Variants in MTA2 observed in about 807,000 individuals in gnomAD.
MTA2 encodes the protein metastasis associated 1 family member 2.
Under a neutral mutation model 87.1 loss-of-function variants are expected in MTA2, and 22 were observed. That is an observed-to-expected ratio of 0.25 (90% CI 0.18 to 0.36). The LOEUF (loss-of-function observed/expected upper bound fraction) is 0.36, where lower values mean the gene tolerates loss of function less well. MTA2 is among the 10% of genes least tolerant of loss of function. MTA2 has a pLI of 1.00. For synonymous variants in MTA2, 314 were observed against 310.1 expected (o/e 1.01, Z -0.13); for missense variants, 542 against 853.2 (o/e 0.64, Z 4.54).
At position 62,601,636 on chromosome 11, in the gene MTA2, C is replaced by G; in HGVS notation, c.-186G>C. On this transcript the variant is annotated 5_prime_UTR_variant, in exon 1 of 18. Coordinates refer to ENST00000278823, the MANE Select transcript of MTA2 (RefSeq NM_004739.4). The stretch of plus-strand genomic sequence containing the variant: ...TCATCCCGGCCCGCGCTGTCGCCGC[C>G]GCAGCTATCGCCTCACTCCCGGGAC... 2 of 609,342 alleles carry G rather than the reference C, an allele frequency of 3.3e-6. No individual in the cohort carries two copies. Among genetic ancestry groups the G allele is most frequent in the South Asian group, 4.4e-5 (2 of 45,552 alleles). 37.7% of individuals were successfully genotyped at this position (609,342 alleles called of 1,614,324 possible). A position where few individuals can be genotyped will look rare whatever the true frequency, so the allele number is the denominator to read the frequency against.
chr11:62,594,077 T>C (rs1328213287), intron 17 of MTA2, 37 bp from the exon 18 acceptor site: 1 of 1,564,432 alleles, frequency 6.4e-7, no homozygotes, highest in African/African-American at 1.4e-5. Flanking sequence ...AGAAAAGGCT[T>C]AGAGAACATT....
chr11:62,601,767 C>A lies in MTA2; in HGVS notation c.-317G>T. 1 of 511,282 alleles carries A rather than the reference C, an allele frequency of 2.0e-6. No individual in the cohort carries two copies. Among genetic ancestry groups the A allele is most frequent in the Non-Finnish European group, 3.4e-6 (1 of 293,732 alleles). 31.7% of individuals were successfully genotyped at this position (511,282 alleles called of 1,614,324 possible). The stretch of plus-strand genomic sequence containing the variant: ...CCCGCCCCCGCGGAGTCCCACTAGT[C>A]GTTGGGCTCTGCCGGCCGCAGGGAA... On this transcript the variant is annotated 5_prime_UTR_variant, in exon 1 of 18. Transcript: ENST00000278823.
At chr11:62,600,120 C>G in intron 3 of MTA2, 46 bp downstream of exon 3, 1 of 1,528,550 alleles carries the variant, frequency 6.5e-7, no homozygotes, top group South Asian at 1.1e-5. Flanking sequence ...CATGCCCAGG[C>G]CTCAGATCAT....
At position 62,595,503 on chromosome 11, in the gene MTA2, A is replaced by G. The variant is rs1423473951; in HGVS notation, c.1255-11T>C. ...CCTTGAGTGTGGCTCCTAGAAGAAG[A>G]GCATAGGAAAGAGAGAGAGCAGAAA... On this transcript the variant is annotated splice_polypyrimidine_tract_variant and intron_variant, in intron 13 of 17. Coordinates refer to ENST00000278823, the MANE Select transcript of MTA2 (RefSeq NM_004739.4). The surrounding 1 kb of genome is among the most constrained non-coding windows in gnomAD (Gnocchi z 4.9). The G allele has an allele frequency of 3.7e-6, 6 of 1,613,466 alleles. No individual in the cohort carries two copies. The highest frequency in any genetic ancestry group is 5.1e-6 in the Non-Finnish European group (6 of 1,179,502).
intron 6 of MTA2, 45 bp from the exon 7 acceptor site, chr11:62,597,757 A>G (rs1292692117): frequency 6.6e-7 from 1 of 1,516,608 alleles, no homozygotes; most frequent in Non-Finnish European, 9.1e-7. Context: ...GGCAGGGGGG[A>G]ACAGTTGGTG....
At chr11:62,600,546 C>T (rs1942169986) in intron 2 of MTA2, 76 bp downstream of exon 2, 1 of 1,360,522 alleles carries the variant, frequency 7.4e-7, no homozygotes, top group South Asian at 1.3e-5. Context: ...GTATAGGATC[C>T]TCTCTTCCAC....
At chr11:62,600,293 G>T in intron 2 of MTA2, 34 bp from the exon 3 acceptor site, 1 of 1,568,866 alleles carries the variant, frequency 6.4e-7, no homozygotes, top group East Asian at 2.2e-5. Flanking sequence ...ACAAAACAAC[G>T]TAGCAGTGGA....
chr11:62,593,842 A>G lies in MTA2; in HGVS notation c.*33T>C. ...TGGGTGCCCTGGGCATCCACCCTCT[A>G]CCTCTCAGCCCACCTCCCTTCCCCA... On this transcript the variant is annotated 3_prime_UTR_variant, in exon 18 of 18. Transcript: ENST00000278823. 1 of 1,612,942 alleles carries G rather than the reference A, an allele frequency of 6.2e-7. No homozygotes were observed. Among genetic ancestry groups the G allele is most frequent in the Non-Finnish European group, 8.5e-7 (1 of 1,179,500 alleles).
rs1942072876 is a variant in MTA2, at chr11:62,594,642, A to C, written c.1574-8T>G. The C allele has an allele frequency of 6.2e-7, 1 of 1,612,388 alleles. No individual in the cohort carries two copies. The highest frequency in any genetic ancestry group is 8.5e-7 in the Non-Finnish European group (1 of 1,178,962). On this transcript the variant is annotated splice_polypyrimidine_tract_variant and splice_region_variant and intron_variant, in intron 15 of 17. Transcript: ENST00000278823. ...TCAGGGGTGCCTGGGCCACTGGAAA[A>C]AAACAGAAAACTTTCGCACCTTTTC...
In MTA2 at chr11:62,594,523, T is replaced by C. The variant is rs780226737; in HGVS notation, c.1685A>G (p.Tyr562Cys). 10 of 1,614,090 alleles carry C rather than the reference T, an allele frequency of 6.2e-6. No homozygotes were observed. Among genetic ancestry groups the C allele is most frequent in the East Asian group, 4.5e-5 (2 of 44,878 alleles). The change falls in exon 16 of 18, where the codon TAT becomes TGT. Residue 562 changes from tyrosine (Y) to cysteine (C), a missense_variant. By Grantham distance (194) the Tyr-to-Cys change is radical (BLOSUM62 -2). Transcript: ENST00000278823. ...GLGGIMVKRA[Y>C]ETMAGAGVPF... is the part of the protein sequence containing the mutation. ...CCCTTTCTGTCAACTCACAGTCTCA[T>C]AGGCCCGTTTCACCATAATGCCCCC...
At chr11:62,597,226 T>A in intron 8 of MTA2, 90 bp downstream of exon 8, 3 of 830,952 alleles carry the variant, frequency 3.6e-6, no homozygotes, top group Non-Finnish European at 5.7e-6. Flanking sequence ...ACACTCCCAC[T>A]CCCTCAGAGA....
rs761475053 is a variant in MTA2 at position 62,600,670 on chromosome 11, G to A, written c.48C>T (p.Asn16=). The A allele has an allele frequency of 6.2e-7, 1 of 1,613,912 alleles. No individual in the cohort carries two copies. The highest frequency in any genetic ancestry group is 8.5e-7 in the Non-Finnish European group (1 of 1,179,900). Residue 16 remains asparagine (N), a synonymous_variant, in exon 2 of 18, where the codon AAC becomes AAT. Coordinates refer to ENST00000278823, the MANE Select transcript of MTA2 (RefSeq NM_004739.4). ...YRVGDYVYFE[N]SSSNPYLVRR... ...TAACCAGGTAAGGATTGCTGGAAGAGTTCTCAAAATAGACGTAATCTGTAA... is the reference window on the plus strand; with the variant it reads ...TAACCAGGTAAGGATTGCTGGAAGAATTCTCAAAATAGACGTAATCTGTAA...
chr11:62,595,833 A>C lies in MTA2; in HGVS notation c.1173T>G (p.Cys391Trp). 1 of 1,614,220 alleles carries C rather than the reference A, an allele frequency of 6.2e-7. No homozygotes were observed. The highest frequency in any genetic ancestry group is 8.5e-7 in the Non-Finnish European group (1 of 1,180,040). The change falls in exon 13 of 18, where the codon TGT (cysteine) becomes TGG (tryptophan). Residue 391 changes from cysteine (C) to tryptophan (W), a missense_variant. By Grantham distance (215) the Cys-to-Trp change is radical. Around this residue, in one of 6 missense-constraint regions of MTA2, gnomAD observed 46 missense variants for 109.1 expected, o/e 0.42. Coordinates refer to ENST00000278823, the MANE Select transcript of MTA2 (RefSeq NM_004739.4). The surrounding 1 kb of genome is among the most constrained non-coding windows in gnomAD (Gnocchi z 4.9). ...WGPPNMQCRL[C>W]ASCWIYWKKY... ...TCTTCCAGTAGATCCAACAGGAAGC[A>C]CAGAGGCGGCACTGCATGTTAGGTG...
chr11:62,601,576 G>GCAGCCGGCACCTCCGCTGCCT lies in MTA2; in HGVS notation c.-147_-127dup, dbSNP rs1942202366. 2.6e-6 allele frequency: 3 copies of GCAGCCGGCACCTCCGCTGCCT among 1,148,674 alleles called. No homozygotes were observed. The highest frequency in any genetic ancestry group is 2.4e-6 in the Non-Finnish European group (2 of 841,334). 71.2% of individuals were successfully genotyped at this position (1,148,674 alleles called of 1,614,324 possible). On this transcript the variant is annotated 5_prime_UTR_variant, in exon 1 of 18. Coordinates refer to ENST00000278823, the MANE Select transcript of MTA2 (RefSeq NM_004739.4). The stretch of plus-strand genomic sequence containing the variant: ...TCGAGGGAGTCTCACTGGGGCCCGC[G>GCAGCCGGCACCTCCGCTGCCT]CAGCCGGCACCTCCGCTGCCTCAGC...
At chr11:62,598,224 C>T (rs1462162225) in intron 5 of MTA2, 83 bp from the exon 6 acceptor site, 89 of 1,563,338 alleles carry the variant, frequency 5.7e-5, no homozygotes, top group Non-Finnish European at 7.1e-5. Flanking sequence ...TTTCCATGAC[C>T]GGCAGTCTGG....
rs575241333 is a variant in MTA2, at chr11:62,593,799, C to A, written c.*76G>T. 2.6e-6 allele frequency: 4 copies of A among 1,562,682 alleles called. No homozygotes were observed. The South Asian group carries it at 3.4e-5, about 13-fold the overall frequency. On this transcript the variant is annotated 3_prime_UTR_variant, in exon 18 of 18. Transcript: ENST00000278823. ...AATTCACTCCTCACTCCCTTCGACA[C>A]GAAAGGGAAGGGAGGTTTGGGTGCC...
At chr11:62,600,718 C>A (rs758993268) in intron 1 of MTA2, 29 bp from the exon 2 acceptor site, 1 of 1,601,834 alleles carries the variant, frequency 6.2e-7, no homozygotes, top group South Asian at 1.1e-5. Context: ...GGGAGAACCA[C>A]GAAGATCAGA....
At position 62,595,193 on chromosome 11, in the gene MTA2, C is replaced by T. The variant is rs1942080507; in HGVS notation, c.1483+71G>A. ...TACTATCCCTCCTGTTATTAGACAT[C>T]CAGAGAAACAACGGTCTCTGGGCAG... On this transcript the variant is annotated intron_variant, in intron 14 of 17. Transcript: ENST00000278823. This position sits in a 1 kb window ranked among gnomAD's most constrained non-coding sequence, Gnocchi z 4.9. The T allele has an allele frequency of 6.4e-7, 1 of 1,555,778 alleles. No homozygotes were observed. The highest frequency in any genetic ancestry group is 1.7e-5 in the Admixed American group (1 of 58,290).
chr11:62,596,589 C>T (rs1339490412), intron 9 of MTA2, 48 bp downstream of exon 9: 1 of 1,612,164 alleles, frequency 6.2e-7, no homozygotes, highest in South Asian at 1.1e-5. Context: ...GTCCTGGTTC[C>T]CTCACCTGTC....
Sources: allele counts gnomAD v4.1 joint callset, GRCh38; gene constraint gnomAD v4.1.1; regional missense constraint gnomAD v4.1.1; non-coding constraint Gnocchi (gnomAD v3.1); transcripts MANE v1.5; gene names NCBI Gene and HGNC (gene_info 2026-07-23, HGNC 2026-07-21).